The following TUSC3 variants were observed in gnomAD, a reference collection of about 807,000 sequenced individuals.
The protein encoded by TUSC3 is tumor suppressor candidate 3.
Under a neutral mutation model 44.8 loss-of-function variants are expected in TUSC3, and 45 were observed. The ratio of observed to expected loss-of-function variants is 1.00; its 90% CI spans 0.79 to 1.29. The LOEUF (loss-of-function observed/expected upper bound fraction) is 1.29, where lower values mean the gene tolerates loss of function less well. TUSC3 is among the 50% of genes most tolerant of loss of function. The probability of loss-of-function intolerance (pLI) is 0.00; values close to 1 mark genes in which losing one functional copy is unlikely to be tolerated. For synonymous variants in TUSC3, 212 were observed against 152.9 expected, an observed-to-expected ratio of 1.39 and a Z score of -2.85; for missense variants, 519 against 437.9, an observed-to-expected ratio of 1.19 and a Z score of -1.65.
chr8:15,629,462 T>A (rs1158528826), intron 2 of TUSC3, among the ~76,000 whole-genome samples: 1 of 151,854 alleles, frequency 6.6e-6, no homozygotes, highest in Non-Finnish European at 1.5e-5. Context: ...TCAAGAAAAA[T>A]TATTCAAATT....
intron 2 of TUSC3, among the ~76,000 whole-genome samples, chr8:15,511,133 A>G (rs551614566): frequency 1.3e-5 from 2 of 152,196 alleles, no homozygotes; most frequent in African/African-American, 4.8e-5. Context: ...TACCAAACTT[A>G]ATGGTGAAAA....
chr8:15,573,332 A>C (rs896383088), intron 1 of TUSC3, among the ~76,000 whole-genome samples: 1 of 150,418 alleles, frequency 6.6e-6, no homozygotes, highest in South Asian at 2.1e-4. Flanking sequence ...ATCCACATCC[A>C]GGGTAATTAC....
chr8:15,446,205 G>A (rs912683491), intron 1 of TUSC3, among the ~76,000 whole-genome samples: 1 of 151,440 alleles, frequency 6.6e-6, no homozygotes, highest in Non-Finnish European at 1.5e-5. Flanking sequence ...CATCTCAGAC[G>A]TTGGGTGGCC....
intron 1 of TUSC3, among the ~76,000 whole-genome samples, chr8:15,430,118 T>G (rs138366135): frequency 6.7e-6 from 1 of 148,784 alleles, no homozygotes; most frequent in Non-Finnish European, 1.5e-5. Flanking sequence ...TCCTCCCTAA[T>G]TCATTTTATG....
chr8:15,651,444 C>T (rs1022520305), intron 3 of TUSC3, among the ~76,000 whole-genome samples: 5 of 152,184 alleles, frequency 3.3e-5, no homozygotes, highest in African/African-American at 1.2e-4. Flanking sequence ...GAAGCCATAG[C>T]TTCTGGCGTG....
At chr8:15,543,930 G>T (rs1472001583) in intron 1 of TUSC3, among the ~76,000 whole-genome samples, 2 of 151,782 alleles carry the variant, frequency 1.3e-5, no homozygotes, top group Non-Finnish European at 2.9e-5. Context: ...GTGTGTGTGT[G>T]TGTGTATGTA....
chr8:15,658,633 T>TACACAC (rs551780920), intron 3 of TUSC3, among the ~76,000 whole-genome samples: 130 of 108,974 alleles, frequency 1.2e-3, no homozygotes, highest in East Asian at 2.2e-3. Context: ...TATATACACA[T>TACACAC]ATATATACAC....
chr8:15,625,413 G>A (rs1015516753), intron 2 of TUSC3, among the ~76,000 whole-genome samples: 1 of 152,156 alleles, frequency 6.6e-6, no homozygotes, highest in African/African-American at 2.4e-5. Flanking sequence ...TATAAAATTA[G>A]TGTTAACTCT....
intron 2 of TUSC3, among the ~76,000 whole-genome samples, chr8:15,487,062 C>A (rs1800741894): frequency 6.6e-6 from 1 of 152,140 alleles, no homozygotes; most frequent in Non-Finnish European, 1.5e-5. Flanking sequence ...AGCTTCCCTT[C>A]TTCTATGACA....
At chr8:15,534,155 T>C (rs1178334788) in intron 2 of TUSC3, among the ~76,000 whole-genome samples, 2 of 152,102 alleles carry the variant, frequency 1.3e-5, no homozygotes, top group African/African-American at 4.8e-5. Flanking sequence ...TCAAGATTTA[T>C]TTTCCATTCA....
the TUSC3 span, chr8:15,806,253 C>T: frequency 1.7e-6 from 1 of 581,622 alleles, no homozygotes; most frequent in South Asian, 1.7e-5. Context: ...CAATTCACCT[C>T]CAGGTGGCAG....
In TUSC3 at chr8:15,577,421, T is replaced by G. The variant is rs906690713; in HGVS notation, c.138+36853T>G. On this transcript the variant is annotated intron_variant, in intron 1 of 10. Coordinates refer to ENST00000503731, the MANE Select transcript of TUSC3 (RefSeq NM_006765.4). ...GTCCTGAATGGTAAATGCCTAGGTT[T>G]TCTTCTAGGGTTTTTATGGTTTTAG... Among the ~76,000 whole-genome samples the G allele has an allele frequency of 5.3e-5, 8 of 151,938 alleles. 1 individual carries two copies. The highest frequency in any genetic ancestry group is 1.9e-4 in the African/African-American group (8 of 41,522).
chr8:15,518,644 G>T (rs989223766), intron 2 of TUSC3, among the ~76,000 whole-genome samples: 3 of 151,868 alleles, frequency 2.0e-5, no homozygotes, highest in African/African-American at 4.8e-5. Context: ...CTGCATATTT[G>T]CAGGAATGCC....
intron 1 of TUSC3, among the ~76,000 whole-genome samples, chr8:15,445,315 ATT>A (rs772958943): frequency 2.8e-5 from 4 of 143,410 alleles, no homozygotes; most frequent in African/African-American, 2.5e-5. Flanking sequence ...CCAGGATTTT[ATT>A]TTTTTTTTTT....
intron 6 of TUSC3, among the ~76,000 whole-genome samples, chr8:15,703,867 C>T (rs954536842): frequency 6.6e-6 from 1 of 152,108 alleles, no homozygotes; most frequent in Non-Finnish European, 1.5e-5. Context: ...AACATACAAA[C>T]CATAGCACTG....
intron 2 of TUSC3, among the ~76,000 whole-genome samples, chr8:15,648,253 A>C (rs139350369): frequency 1.1e-4 from 16 of 152,240 alleles, no homozygotes; most frequent in Admixed American, 9.8e-4. Context: ...AATCTATATA[A>C]GTGCTCTCTC....
intron 1 of TUSC3, among the ~76,000 whole-genome samples, chr8:15,468,747 C>G (rs1800446925): frequency 6.6e-6 from 1 of 152,092 alleles, no homozygotes; most frequent in South Asian, 2.1e-4. Context: ...TGAAAACATT[C>G]TTTATATTAG....
intron 1 of TUSC3, among the ~76,000 whole-genome samples, chr8:15,583,130 C>G (rs1017279297): frequency 6.6e-6 from 1 of 152,234 alleles, no homozygotes; most frequent in East Asian, 1.9e-4. Flanking sequence ...TAAGAATAAA[C>G]TAGAACTGTT....
intron 1 of TUSC3, among the ~76,000 whole-genome samples, chr8:15,602,666 A>ATG (rs60206119): frequency 0.32 from 46,834 of 145,758 alleles, 8,290 homozygotes; most frequent in Non-Finnish European, 0.41. Flanking sequence ...AAATATTTAT[A>ATG]TGTGTGTGTG....
Sources: gnomAD v4.1 joint callset for allele counts (sites outside exome capture counted in the v4.1 genomes callset) on GRCh38, gnomAD v4.1.1 for gene constraint, MANE v1.5 for transcripts, NCBI Gene and HGNC (gene_info 2026-07-23, HGNC 2026-07-21) for gene names.